The following COL5A1 variants were observed in gnomAD, a reference collection of about 807,000 sequenced individuals.
COL5A1 encodes collagen type V alpha 1 chain.
COL5A1 carries 16 observed loss-of-function variants against 263.7 expected under a neutral mutation model. That is an observed-to-expected ratio of 0.06 (90% CI 0.04 to 0.09). The LOEUF is 0.09. COL5A1 is among the 10% of genes least tolerant of loss of function. The probability of loss-of-function intolerance (pLI) is 1.00; values close to 1 mark genes in which losing one functional copy is unlikely to be tolerated. For missense variants in COL5A1, 2,036 were observed against 2,540.5 expected (o/e 0.80, Z 4.27); for synonymous variants, 1,012 against 1,004.5 (o/e 1.01, Z -0.14).
chr9:134,643,989 G>T (rs189901940), intron 1 of COL5A1, among the ~76,000 whole-genome samples: 1 of 152,134 alleles, frequency 6.6e-6, no homozygotes. Context: ...AGTGCGGCTC[G>T]TTGGAAGTGG....
chr9:134,691,198 C>T, intron 2 of COL5A1, 119 bp downstream of exon 2: 1 of 1,302,196 alleles, frequency 7.7e-7, no homozygotes, highest in Non-Finnish European at 1.1e-6. Flanking sequence ...CAGGAAGCCC[C>T]TCTCACGAGC....
rs376158364 is a variant in COL5A1, at chr9:134,728,840, G to A, written c.924+33G>A. On this transcript the variant is annotated intron_variant, in intron 6 of 65. Transcript: ENST00000371817. ...CTGAGCGGGGGACTGGGTTGGGCTG[G>A]GCCCCTCGAGGCCATGGTGCAGGGG... 2.0e-5 allele frequency: 33 copies of A among 1,613,416 alleles called. No homozygotes were observed. In the African/African-American group the frequency reaches 4.0e-4, roughly 20 times the overall value.
chr9:134,726,750 GTGGATGGA>G (rs372291379), intron 4 of COL5A1, among the ~76,000 whole-genome samples: 6 of 150,836 alleles, frequency 4.0e-5, no homozygotes, highest in Admixed American at 6.6e-5. Context: ...GAATGAAAGA[GTGGATGGA>G]TGGATGGATG....
At chr9:134,753,756 C>CCCAACCCCAG in intron 14 of COL5A1, 94 bp from the exon 15 acceptor site, 1 of 706,644 alleles carries the variant, frequency 1.4e-6, no homozygotes, top group Non-Finnish European at 2.6e-6. Flanking sequence ...AAGCCCTGTC[C>CCCAACCCCAG]CCTCCCCCTG....
intron 1 of COL5A1, among the ~76,000 whole-genome samples, chr9:134,687,834 G>T (rs1228949214): frequency 6.6e-6 from 1 of 152,192 alleles, no homozygotes; most frequent in Non-Finnish European, 1.5e-5. Context: ...GGAAGTGCAC[G>T]GGCCAGTGTG....
At chr9:134,664,451 G>A (rs537739990) in intron 1 of COL5A1, among the ~76,000 whole-genome samples, 19 of 152,312 alleles carry the variant, frequency 1.2e-4, no homozygotes, top group Non-Finnish European at 2.1e-4. Context: ...CCTATCTGAC[G>A]GAAAGGGGGT....
intron 1 of COL5A1, among the ~76,000 whole-genome samples, chr9:134,659,000 C>T (rs543285621): frequency 6.6e-6 from 1 of 152,196 alleles, no homozygotes; most frequent in Non-Finnish European, 1.5e-5. Flanking sequence ...TGTTTTATCC[C>T]GATGGCCTCT....
chr9:134,650,299 G>A (rs1367431369), intron 1 of COL5A1, among the ~76,000 whole-genome samples: 4 of 152,194 alleles, frequency 2.6e-5, no homozygotes, highest in Non-Finnish European at 4.4e-5. Context: ...CATCGTAACC[G>A]TCTTCCATTG....
chr9:134,829,622 C>T (rs1045069630), intron 63 of COL5A1, among the ~76,000 whole-genome samples: 8 of 150,638 alleles, frequency 5.3e-5, no homozygotes, highest in East Asian at 2.0e-4. Flanking sequence ...CATCCTCACG[C>T]GGCCTCCAGT....
chr9:134,689,728 G>T (rs1833206210), intron 1 of COL5A1, among the ~76,000 whole-genome samples: 1 of 152,216 alleles, frequency 6.6e-6, no homozygotes. Context: ...GGACAGGGCG[G>T]TGTCATGCTC....
rs765476815 is a variant in COL5A1, at chr9:134,728,656, C to T, written c.787-14C>T. ...GCTCCGCTGCTTCCTCACGGGGCCG[C>T]AATTCGCTTTCAGTACACGGAAGGA... On this transcript the variant is annotated splice_polypyrimidine_tract_variant and intron_variant, in intron 5 of 65. Transcript: ENST00000371817. The T allele has an allele frequency of 1.2e-6, 2 of 1,613,880 alleles. No individual in the cohort carries two copies. The highest frequency in any genetic ancestry group is 1.7e-6 in the Non-Finnish European group (2 of 1,180,004).
At position 134,648,714 on chromosome 9, in the gene COL5A1, G is replaced by A. The variant is rs574505998; in HGVS notation, c.109+6418G>A. ...GGGCCCTCTACTCGCTGGCCTGTGC[G>A]TGCTCCCTTGCCATCCTGTGTGGTG... On this transcript the variant is annotated intron_variant, in intron 1 of 65. Coordinates refer to ENST00000371817, the MANE Select transcript of COL5A1 (RefSeq NM_000093.5). 2.6e-5 allele frequency among the ~76,000 whole-genome samples: 4 copies of A among 152,324 alleles called. No homozygotes were observed. The East Asian group carries it at 5.8e-4, about 22-fold the overall frequency.
intron 57 of COL5A1, among the ~76,000 whole-genome samples, chr9:134,819,562 T>C (rs1273461072): frequency 1.3e-5 from 2 of 152,226 alleles, no homozygotes; most frequent in Non-Finnish European, 2.9e-5. Context: ...ATTTCCACTC[T>C]GACGTCCGCC....
In COL5A1 at chr9:134,842,324, C is replaced by A. The variant is rs1830131345; in HGVS notation, c.*21C>A. 2 of 1,613,684 alleles carry A rather than the reference C, an allele frequency of 1.2e-6. No individual in the cohort carries two copies. Among genetic ancestry groups the A allele is most frequent in the Non-Finnish European group, 1.7e-6 (2 of 1,179,902 alleles). On this transcript the variant is annotated 3_prime_UTR_variant, in exon 66 of 66. Transcript: ENST00000371817. The surrounding 1 kb of genome is among the most constrained non-coding windows in gnomAD (Gnocchi z 5.8). ...GCTAGGAGCCGCCGAGCCCGGGCTC[C>A]CGAGAGCAACCTCGTGACCTCAGCA...
chr9:134,788,066 CAG>C (rs1837526845), intron 31 of COL5A1, among the ~76,000 whole-genome samples: 1 of 151,050 alleles, frequency 6.6e-6, no homozygotes, highest in Non-Finnish European at 1.5e-5. Context: ...GATGGATAGA[CAG>C]ATAGATGGGT....
rs1038841155 is a variant in COL5A1 at position 134,700,583 on chromosome 9, G to A, written c.491+461G>A. ...CCAGGGGTTGTCAGTCTCCTCTTTCGTGGTCAGCACGTGTGAGGTCATGCC... is the reference window on the plus strand; with the variant it reads ...CCAGGGGTTGTCAGTCTCCTCTTTCATGGTCAGCACGTGTGAGGTCATGCC... On this transcript the variant is annotated intron_variant, in intron 3 of 65. Coordinates refer to ENST00000371817, the MANE Select transcript of COL5A1 (RefSeq NM_000093.5). The surrounding 1 kb of genome is among the most constrained non-coding windows in gnomAD (Gnocchi z 4.0). 5.9e-5 allele frequency among the ~76,000 whole-genome samples: 9 copies of A among 152,238 alleles called. No individual in the cohort carries two copies. Among genetic ancestry groups the A allele is most frequent in the South Asian group, 2.1e-4 (1 of 4,822 alleles).
rs571361110 is a variant in COL5A1, at chr9:134,652,763, C to T, written c.109+10467C>T. 1.6e-4 allele frequency: 74 copies of T among 470,460 alleles called. No individual in the cohort carries two copies. The East Asian group carries it at 1.6e-3, about 10-fold the overall frequency. 29.1% of individuals were successfully genotyped at this position (470,460 alleles called of 1,614,324 possible). On this transcript the variant is annotated intron_variant, in intron 1 of 65. Coordinates refer to ENST00000371817, the MANE Select transcript of COL5A1 (RefSeq NM_000093.5). This position sits in a 1 kb window ranked among gnomAD's most constrained non-coding sequence, Gnocchi z 4.4. ...CAGGAGGGAGGGCCTCTTCTTAGGC[C>T]GGGTCCAGCGTTTCTCCTCATGGTG...
chr9:134,705,283 GC>G (rs35207114), intron 4 of COL5A1, among the ~76,000 whole-genome samples: 76,012 of 152,116 alleles, frequency 0.5, 19,362 homozygotes, highest in Admixed American at 0.64. Context: ...CAAGGCCAGG[GC>G]TAACGGCTGG....
chr9:134,708,428 G>A (rs763337764), intron 4 of COL5A1: 2 of 410,362 alleles, frequency 4.9e-6, no homozygotes, highest in East Asian at 1.2e-4. Context: ...CCGGGGTGGG[G>A]GCTCTGGTGC....
Sources: allele counts gnomAD v4.1 joint callset (sites outside exome capture counted in the v4.1 genomes callset), GRCh38; gene constraint gnomAD v4.1.1; non-coding constraint Gnocchi (gnomAD v3.1); transcripts MANE v1.5; gene names NCBI Gene and HGNC (gene_info 2026-07-23, HGNC 2026-07-21).